Variants in PIK3CB observed in about 807,000 individuals in gnomAD.
PIK3CB encodes phosphatidylinositol-4,5-bisphosphate 3-kinase catalytic subunit beta, also known as phosphatidylinositol 4,5-bisphosphate 3-kinase catalytic subunit beta isoform.
Under a neutral mutation model 136.8 loss-of-function variants are expected in PIK3CB, and 39 were observed. The observed-to-expected ratio is 0.29, with a 90% CI of 0.22 to 0.37. The LOEUF is 0.37. PIK3CB is among the 10% of genes least tolerant of loss of function. PIK3CB has a pLI of 1.00. For missense variants in PIK3CB, 868 were observed against 1,275.4 expected (o/e 0.68, Z 4.87); for synonymous variants, 428 against 436.6 (o/e 0.98, Z 0.25).
At chr3:138,821,304 A>C (rs78076445) in intron 1 of PIK3CB, among the ~76,000 whole-genome samples, 25 of 143,722 alleles carry the variant, frequency 1.7e-4, no homozygotes, top group African/African-American at 5.4e-4. Flanking sequence ...CAAAAAACAA[A>C]AAAAAAATTA....
At chr3:138,695,391 G>A (rs2044113871) in intron 13 of PIK3CB, among the ~76,000 whole-genome samples, 1 of 152,176 alleles carries the variant, frequency 6.6e-6, no homozygotes, top group Admixed American at 6.5e-5. Flanking sequence ...TACTGGGAGA[G>A]GTGGCCTGCA....
chr3:138,664,575 T>C (rs1442191561), intron 20 of PIK3CB, among the ~76,000 whole-genome samples: 3 of 152,218 alleles, frequency 2.0e-5, no homozygotes, highest in Non-Finnish European at 4.4e-5. Flanking sequence ...CCAAAAATAC[T>C]TGCAGACCAT....
intron 2 of PIK3CB, among the ~76,000 whole-genome samples, chr3:138,767,646 AG>A (rs1453784483): frequency 2.6e-5 from 4 of 152,120 alleles, no homozygotes; most frequent in Non-Finnish European, 5.9e-5. Flanking sequence ...TGTGTGAGCA[AG>A]TGTGGGGTCC....
At chr3:138,717,069 C>T (rs2044625369) in intron 8 of PIK3CB, among the ~76,000 whole-genome samples, 1 of 151,042 alleles carries the variant, frequency 6.6e-6, no homozygotes. Context: ...TCCTGGCCAA[C>T]ATGGTAAAAC....
chr3:138,823,350 T>C (rs1362748364), intron 1 of PIK3CB, among the ~76,000 whole-genome samples: 1 of 151,948 alleles, frequency 6.6e-6, no homozygotes, highest in African/African-American at 2.4e-5. Context: ...ATATGAATAG[T>C]TATTGTATAA....
At chr3:138,708,154 C>T in intron 10 of PIK3CB, among the ~76,000 whole-genome samples, 1 of 152,028 alleles carries the variant, frequency 6.6e-6, no homozygotes, top group Middle Eastern at 3.2e-3. Flanking sequence ...AGTATGCACA[C>T]TCAGAATTAT....
chr3:138,824,393 A>G (rs1933691103), intron 1 of PIK3CB, among the ~76,000 whole-genome samples: 1 of 152,166 alleles, frequency 6.6e-6, no homozygotes, highest in Admixed American at 6.6e-5. Flanking sequence ...AATATAGGAG[A>G]TGACTGTTGA....
At chr3:138,698,805 T>A in intron 13 of PIK3CB, 102 bp downstream of exon 13, 1 of 630,428 alleles carries the variant, frequency 1.6e-6, no homozygotes, top group East Asian at 2.8e-5. Flanking sequence ...CTGCTTAAAT[T>A]ATCCTATCTA....
intron 8 of PIK3CB, among the ~76,000 whole-genome samples, chr3:138,715,666 G>A (rs1490277781): frequency 1.3e-5 from 2 of 151,822 alleles, no homozygotes; most frequent in Admixed American, 6.6e-5. Context: ...TTCATCTATA[G>A]ATATTAAAAT....
At chr3:138,828,770 A>G (rs1026317508) in intron 1 of PIK3CB, among the ~76,000 whole-genome samples, 2 of 151,564 alleles carry the variant, frequency 1.3e-5, no homozygotes, top group Non-Finnish European at 2.9e-5. Flanking sequence ...CCCCGCCTCT[A>G]AAAAAATTTT....
intron 4 of PIK3CB, among the ~76,000 whole-genome samples, chr3:138,754,296 T>C (rs2045524790): frequency 1.3e-5 from 2 of 151,888 alleles, no homozygotes; most frequent in Non-Finnish European, 2.9e-5. Context: ...TAGCCAGGCA[T>C]GGTGGCTTGC....
chr3:138,693,960 TATATATTATA>T (rs1247276301), intron 14 of PIK3CB, among the ~76,000 whole-genome samples: 4 of 33,976 alleles, frequency 1.2e-4, no homozygotes, highest in African/African-American at 4.7e-4. Context: ...TATATATATA[TATATATTATA>T]TATATATATA....
At chr3:138,672,929 AAG>A (rs778144963) in intron 19 of PIK3CB, among the ~76,000 whole-genome samples, 7 of 143,232 alleles carry the variant, frequency 4.9e-5, no homozygotes, top group South Asian at 4.3e-4. Context: ...AAAAAAAAAA[AAG>A]AGAGAGAGAG....
rs1322257721 is a variant in PIK3CB at position 138,744,419 on chromosome 3, AAAAGG to A, written c.398-1643_398-1639del. ...AAAAAAAAAAAAAAAAAAAAAAAAA[AAAAGG>A]AAGTGGATCACCATAAATGTCTTCA... On this transcript the variant is annotated intron_variant, in intron 4 of 23. Coordinates refer to ENST00000674063, the MANE Select transcript of PIK3CB (RefSeq NM_006219.3). Among the ~76,000 whole-genome samples, 365 of 147,014 alleles carry A rather than the reference AAAAGG, an allele frequency of 2.5e-3. 5 individuals are homozygous for A. Among genetic ancestry groups the A allele is most frequent in the Non-Finnish European group, 4.1e-3 (275 of 66,728 alleles).
chr3:138,752,002 C>G (rs1187354568), intron 4 of PIK3CB, among the ~76,000 whole-genome samples: 1 of 149,846 alleles, frequency 6.7e-6, no homozygotes, highest in Non-Finnish European at 1.5e-5. Flanking sequence ...ATCCTACAGA[C>G]TAGCTATTTC....
intron 1 of PIK3CB, among the ~76,000 whole-genome samples, chr3:138,808,788 T>C (rs1027678796): frequency 6.6e-6 from 1 of 151,722 alleles, no homozygotes; most frequent in African/African-American, 2.4e-5. Context: ...TAATGTTTTA[T>C]ATATGAATAT....
At chr3:138,671,743 C>A (rs1405693741) in intron 19 of PIK3CB, among the ~76,000 whole-genome samples, 1 of 152,264 alleles carries the variant, frequency 6.6e-6, no homozygotes, top group Non-Finnish European at 1.5e-5. Context: ...AGAGGGGTGC[C>A]TCCTTGGCCA....
intron 1 of PIK3CB, among the ~76,000 whole-genome samples, chr3:138,824,173 T>A (rs61301555): frequency 0.035 from 5,307 of 152,246 alleles, 314 homozygotes; most frequent in African/African-American, 0.12. Context: ...AGCCTTTGGA[T>A]TACCCATGGA....
chr3:138,682,826 T>A (rs1056562540), intron 18 of PIK3CB, among the ~76,000 whole-genome samples: 5 of 152,208 alleles, frequency 3.3e-5, no homozygotes, highest in African/African-American at 1.2e-4. Flanking sequence ...AACCCTGACA[T>A]ACAGATGCTA....
Sources: allele counts gnomAD v4.1 joint callset (sites outside exome capture counted in the v4.1 genomes callset), GRCh38; gene constraint gnomAD v4.1.1; transcripts MANE v1.5; gene names NCBI Gene and HGNC (gene_info 2026-07-23, HGNC 2026-07-21).